DENND1A: variants seen among roughly 807,000 people sequenced by gnomAD.
The protein encoded by DENND1A is DENN domain-containing protein 1A.
DENND1A carries 51 observed loss-of-function variants against 113.7 expected under a neutral mutation model. The ratio of observed to expected loss-of-function variants is 0.45; its 90% CI spans 0.36 to 0.57. The LOEUF is 0.57. Among genes scored for constraint, DENND1A ranks in the 20% least tolerant of loss-of-function variants. The probability of loss-of-function intolerance (pLI) is 0.00; values close to 1 mark genes in which losing one functional copy is unlikely to be tolerated. For synonymous variants in DENND1A, 565 were observed against 570.8 expected (o/e 0.99, Z 0.14); for missense variants, 1,258 against 1,395.9 (o/e 0.90, Z 1.57).
intron 1 of DENND1A, among the ~76,000 whole-genome samples, chr9:123,906,480 AAGAG>A: frequency 1.3e-5 from 1 of 74,190 alleles, no homozygotes; most frequent in South Asian, 5.0e-4. Context: ...TAAAGAAAAA[AAGAG>A]AGAAGAATCA....
intron 1 of DENND1A, among the ~76,000 whole-genome samples, chr9:123,909,288 T>G (rs1001407999): frequency 6.6e-6 from 1 of 151,594 alleles, no homozygotes; most frequent in Non-Finnish European, 1.5e-5. Context: ...GCATGGCACA[T>G]GTATACATAT....
intron 1 of DENND1A, among the ~76,000 whole-genome samples, chr9:123,904,674 A>G (rs1852418478): frequency 6.6e-6 from 1 of 150,712 alleles, no homozygotes. Context: ...GAATAAAAAG[A>G]AATGAGCAAA....
At position 123,541,794 on chromosome 9, in the gene DENND1A, A is replaced by G. The variant is rs547001262; in HGVS notation, c.993+15776T>C. ...AGAGGACGAGTACTTCCCATCTGCC[A>G]TCGCATTTAATTCTGAAAACAATTT... On this transcript the variant is annotated intron_variant, in intron 13 of 23. Coordinates refer to ENST00000394215, the MANE Select transcript of DENND1A (RefSeq NM_001352964.2). Among the ~76,000 whole-genome samples, 5 of 152,366 alleles carry G rather than the reference A, an allele frequency of 3.3e-5. No individual in the cohort carries two copies. The East Asian group carries it at 7.7e-4, about 24-fold the overall frequency.
chr9:123,420,826 CG>C (rs2045220862), intron 19 of DENND1A, among the ~76,000 whole-genome samples: 1 of 77,028 alleles, frequency 1.3e-5, no homozygotes, highest in Non-Finnish European at 2.5e-5. Flanking sequence ...GCGTGGGGGC[CG>C]GGTGACCCTA....
chr9:123,738,909 G>T (rs1183844828), intron 5 of DENND1A, among the ~76,000 whole-genome samples: 2 of 152,198 alleles, frequency 1.3e-5, no homozygotes, highest in African/African-American at 2.4e-5. Context: ...ATTGGGATTT[G>T]ATGTGGCTAT....
intron 3 of DENND1A, among the ~76,000 whole-genome samples, chr9:123,774,494 C>T (rs987553032): frequency 1.3e-5 from 2 of 152,128 alleles, no homozygotes; most frequent in African/African-American, 4.8e-5. Context: ...AATTTTTCTC[C>T]TTCACTATAA....
chr9:123,383,018 G>A (rs1202938160), intron 23 of DENND1A, among the ~76,000 whole-genome samples: 2 of 152,242 alleles, frequency 1.3e-5, no homozygotes, highest in Non-Finnish European at 2.9e-5. Flanking sequence ...GGAGGAAGGA[G>A]GAGGCCAAGT....
At chr9:123,914,957 G>A (rs886280394) in intron 1 of DENND1A, among the ~76,000 whole-genome samples, 9 of 151,986 alleles carry the variant, frequency 5.9e-5, no homozygotes, top group African/African-American at 1.9e-4. Context: ...CCAAGCTCAG[G>A]AGCCATGCTG....
At chr9:123,509,034 A>G (rs1308808181) in intron 13 of DENND1A, among the ~76,000 whole-genome samples, 3 of 152,210 alleles carry the variant, frequency 2.0e-5, no homozygotes, top group Non-Finnish European at 4.4e-5. Context: ...TGGAACATGA[A>G]ACGAAGAAGG....
At chr9:123,521,165 T>C (rs2054364692) in intron 13 of DENND1A, among the ~76,000 whole-genome samples, 1 of 152,176 alleles carries the variant, frequency 6.6e-6, no homozygotes, top group African/African-American at 2.4e-5. Context: ...TGTGTGCCCA[T>C]GCTACGCTTC....
intron 13 of DENND1A, among the ~76,000 whole-genome samples, chr9:123,532,877 C>CA (rs1564664446): frequency 6.6e-6 from 1 of 152,104 alleles, no homozygotes; most frequent in Non-Finnish European, 1.5e-5. Context: ...TATTAATCAA[C>CA]AAAAAGAAAC....
At chr9:123,754,371 G>A (rs1315130931) in intron 5 of DENND1A, among the ~76,000 whole-genome samples, 1 of 152,154 alleles carries the variant, frequency 6.6e-6, no homozygotes, top group African/African-American at 2.4e-5. Context: ...CCAACAGAGG[G>A]AAAGTGTCAG....
At chr9:123,390,769 G>A (rs2042799761) in intron 21 of DENND1A, among the ~76,000 whole-genome samples, 2 of 152,258 alleles carry the variant, frequency 1.3e-5, no homozygotes, top group Admixed American at 1.3e-4. Context: ...CTGTGAGCGG[G>A]GCTCGGAGTA....
At chr9:123,831,830 A>C (rs550864872) in intron 2 of DENND1A, among the ~76,000 whole-genome samples, 2 of 152,288 alleles carry the variant, frequency 1.3e-5, no homozygotes, top group African/African-American at 4.8e-5. Context: ...TAAAAGTACA[A>C]AAATGAGACA....
At chr9:123,621,701 C>G (rs369679724) in intron 10 of DENND1A, among the ~76,000 whole-genome samples, 1 of 152,140 alleles carries the variant, frequency 6.6e-6, no homozygotes, top group Non-Finnish European at 1.5e-5. Flanking sequence ...TTTCTGCTTC[C>G]GCCGCACCAC....
At chr9:123,426,863 G>A (rs1420770989) in intron 19 of DENND1A, among the ~76,000 whole-genome samples, 2 of 152,140 alleles carry the variant, frequency 1.3e-5, no homozygotes, top group Non-Finnish European at 2.9e-5. Flanking sequence ...GAACAGCCTG[G>A]AACAGCCACT....
chr9:123,583,270 T>C lies in DENND1A; in HGVS notation c.766A>G (p.Lys256Glu). The C allele has an allele frequency of 6.2e-7, 1 of 1,610,072 alleles. No individual in the cohort carries two copies. The highest frequency in any genetic ancestry group is 8.5e-7 in the Non-Finnish European group (1 of 1,178,010). ...LIGIHLSLMEKVRNMALDDVV... is the reference protein window; with the variant it reads ...LIGIHLSLMEEVRNMALDDVV... ...TCATCCAGGGCCATGTTTCTGACTT[T>C]CTGCAAGGAGAAAAAAATCCACAAG... Residue 256 changes from lysine (K) to glutamate (E), a missense_variant and splice_region_variant, in exon 12 of 24, where the codon AAA becomes GAA. Lys to Glu is a moderately conservative substitution (Grantham distance 56). This residue lies in a region of DENND1A where 1,159 missense variants were observed against 1,231.7 expected (regional missense o/e 0.94). Transcript: ENST00000394215.
In DENND1A at chr9:123,681,918, GA is replaced by G. The variant is rs112865204; in HGVS notation, c.303-5130del. On this transcript the variant is annotated intron_variant, in intron 5 of 23. Coordinates refer to ENST00000394215, the MANE Select transcript of DENND1A (RefSeq NM_001352964.2). ...GCTGGGAAATGCTGTGTTGGGTTAG[GA>G]AAAAAAAAAAAAAATAGCAGTGCTC... Among the ~76,000 whole-genome samples, 1,076 of 132,568 alleles carry G rather than the reference GA, an allele frequency of 8.1e-3. 10 individuals carry two copies. The highest frequency in any genetic ancestry group is 0.025 in the African/African-American group (883 of 36,018). The allele number at this position is 132,568 out of a possible 152,430, so 87.0% of individuals were successfully genotyped here. A position where few individuals can be genotyped will look rare whatever the true frequency, so the allele number is the denominator to read the frequency against.
At chr9:123,429,425 C>T (rs2045973455) in intron 19 of DENND1A, among the ~76,000 whole-genome samples, 2 of 152,114 alleles carry the variant, frequency 1.3e-5, no homozygotes, top group African/African-American at 4.8e-5. Context: ...AGTATGGTGG[C>T]ACACACCTAT....
Sources: gnomAD v4.1 joint callset for allele counts (sites outside exome capture counted in the v4.1 genomes callset) on GRCh38, gnomAD v4.1.1 for gene constraint, gnomAD v4.1.1 regional missense constraint, MANE v1.5 for transcripts, NCBI Gene and HGNC (gene_info 2026-07-23, HGNC 2026-07-21) for gene names.